LPIN2: variants seen among roughly 807,000 people sequenced by gnomAD.
The protein encoded by LPIN2 is lipin 2.
Under a neutral mutation model 111.4 loss-of-function variants are expected in LPIN2, and 55 were observed. The observed-to-expected ratio is 0.49, with a 90% confidence interval of 0.40 to 0.62. The LOEUF (loss-of-function observed/expected upper bound fraction) is 0.62, where lower values mean the gene tolerates loss of function less well. Ranked by LOEUF, LPIN2 falls within the 20% of genes least tolerant of loss-of-function variation. LPIN2 has a pLI of 0.00. For synonymous variants in LPIN2, 425 were observed against 414.0 expected (o/e 1.03, Z -0.32); for missense variants, 992 against 1,112.1 (o/e 0.89, Z 1.54).
intron 12 of LPIN2, 115 bp downstream of exon 12, chr18:2,927,607 A>C: frequency 1.9e-6 from 2 of 1,078,832 alleles, no homozygotes; most frequent in Non-Finnish European, 2.8e-6. Context: ...AAACTGCTAT[A>C]TGGTAAAATA....
intron 1 of LPIN2, among the ~76,000 whole-genome samples, chr18:2,991,835 C>T (rs2078269949): frequency 6.6e-6 from 1 of 151,940 alleles, no homozygotes; most frequent in Non-Finnish European, 1.5e-5. Flanking sequence ...GATGGCGAAA[C>T]CCCATCTCTA....
intron 1 of LPIN2, among the ~76,000 whole-genome samples, chr18:2,961,081 G>C (rs185880535): frequency 1.3e-5 from 2 of 152,124 alleles, no homozygotes; most frequent in East Asian, 3.9e-4. Flanking sequence ...TCCAGCCAGG[G>C]CCTGAGGCAT....
chr18:2,999,393 G>C (rs962942335), intron 1 of LPIN2, among the ~76,000 whole-genome samples: 1 of 151,608 alleles, frequency 6.6e-6, no homozygotes, highest in Admixed American at 6.6e-5. Flanking sequence ...TCAGGAGATC[G>C]AGACCATTCT....
intron 4 of LPIN2, 112 bp from the exon 5 acceptor site, chr18:2,940,824 T>C (rs1437643911): frequency 8.5e-6 from 6 of 708,086 alleles, no homozygotes; most frequent in Non-Finnish European, 1.3e-5. Flanking sequence ...GGGCAAATGA[T>C]TACTAACTCT....
chr18:2,921,276 C>T, intron 18 of LPIN2: 1 of 583,332 alleles, frequency 1.7e-6, no homozygotes, highest in South Asian at 2.0e-5. Flanking sequence ...GCCGGAGCTG[C>T]CTGAGGAAAT....
chr18:2,999,879 G>A lies in LPIN2; in HGVS notation c.-10+13208C>T, dbSNP rs573867057. Among the ~76,000 whole-genome samples the A allele has an allele frequency of 2.0e-5, 3 of 152,170 alleles. No homozygotes were observed. In the East Asian group the frequency reaches 5.8e-4, roughly 29 times the overall value. ...AATACCAGCCTGGGAAACACAGCAA[G>A]ACCCTGTCTCTACAAAAATTAAAAA... is the stretch of plus-strand genomic sequence containing the variant. On this transcript the variant is annotated intron_variant, in intron 1 of 19. Transcript: ENST00000677752.
At chr18:3,010,962 T>C (rs1185485704) in intron 1 of LPIN2, among the ~76,000 whole-genome samples, 1 of 152,170 alleles carries the variant, frequency 6.6e-6, no homozygotes, top group African/African-American at 2.4e-5. Flanking sequence ...ACTCAGGAAG[T>C]GCCACCGTCT....
intron 16 of LPIN2, among the ~76,000 whole-genome samples, chr18:2,923,547 G>A (rs538839213): frequency 4.0e-5 from 6 of 151,710 alleles, no homozygotes; most frequent in Non-Finnish European, 7.4e-5. Context: ...GATGTAGGTA[G>A]TGCCTGAAAC....
At chr18:2,978,853 G>A (rs1374519733) in intron 1 of LPIN2, among the ~76,000 whole-genome samples, 1 of 152,180 alleles carries the variant, frequency 6.6e-6, no homozygotes, top group African/African-American at 2.4e-5. Context: ...TCACTGAGGT[G>A]CTTGGGGAAT....
At chr18:3,011,079 A>C (rs1445542546) in intron 1 of LPIN2, among the ~76,000 whole-genome samples, 1 of 152,098 alleles carries the variant, frequency 6.6e-6, no homozygotes, top group African/African-American at 2.4e-5. Flanking sequence ...CTTACTGAGC[A>C]GCTATGGAGT....
Position 2,918,892 on chromosome 18 carries a change from C to G in LPIN2, c.*1401G>C, listed in dbSNP as rs993804159. 6.6e-6 allele frequency: 1 copy of G among 152,194 alleles called. No homozygotes were observed. The highest frequency in any genetic ancestry group is 1.5e-5 in the Non-Finnish European group (1 of 68,028). 9.4% of individuals were successfully genotyped at this position (152,194 alleles called of 1,614,324 possible). Reference sequence around the variant, plus strand: ...GTTGGCCACGAGACCACCCCGAGCGCCAAGCCTGTATCTGCAGATCCCTCT... The same window carrying G: ...GTTGGCCACGAGACCACCCCGAGCGGCAAGCCTGTATCTGCAGATCCCTCT... On this transcript the variant is annotated 3_prime_UTR_variant, in exon 20 of 20. Transcript: ENST00000677752.
At chr18:2,943,467 A>G (rs1192890733) in intron 4 of LPIN2, among the ~76,000 whole-genome samples, 5 of 147,610 alleles carry the variant, frequency 3.4e-5, no homozygotes, top group Admixed American at 2.0e-4. Flanking sequence ...TGTATAAATC[A>G]ATGTTTTGAT....
intron 1 of LPIN2, among the ~76,000 whole-genome samples, chr18:2,979,609 T>C (rs1400542832): frequency 6.6e-6 from 1 of 152,244 alleles, no homozygotes; most frequent in African/African-American, 2.4e-5. Context: ...TCTGTGTGCA[T>C]GTATGTTTTA....
At chr18:2,992,974 C>CAAA (rs59159362) in intron 1 of LPIN2, among the ~76,000 whole-genome samples, 31 of 97,316 alleles carry the variant, frequency 3.2e-4, no homozygotes, top group African/African-American at 1.3e-3. Context: ...AGACCCGTCT[C>CAAA]AAAAAAAAAA....
intron 1 of LPIN2, among the ~76,000 whole-genome samples, chr18:2,996,868 CA>C (rs1304777699): frequency 1.3e-5 from 2 of 152,222 alleles, no homozygotes; most frequent in East Asian, 3.8e-4. Flanking sequence ...TTTGGTTCTA[CA>C]AAGGCCTTGC....
intron 1 of LPIN2, among the ~76,000 whole-genome samples, chr18:2,982,482 G>A (rs1360468135): frequency 1.3e-5 from 2 of 152,132 alleles, no homozygotes; most frequent in Non-Finnish European, 2.9e-5. Context: ...ATGCAGGAGG[G>A]CAGGTAGCCA....
chr18:2,921,545 T>C lies in LPIN2; in HGVS notation c.2430A>G (p.Gly810=). Residue 810 remains glycine (G), a synonymous_variant, in exon 18 of 20, where the codon GGA becomes GGG. Coordinates refer to ENST00000677752, the MANE Select transcript of LPIN2 (RefSeq NM_001375808.2). Reference sequence around the variant, plus strand: ...AGGAGATACTCACATTTGGACGGTTTCCAAAGGCAGCATAGAAGGGCTGCT... The same window carrying C: ...AGGAGATACTCACATTTGGACGGTTCCCAAAGGCAGCATAGAAGGGCTGCT... ...PSKQPFYAAF[G]NRPNDVYAYT... 1 of 1,613,620 alleles carries C rather than the reference T, an allele frequency of 6.2e-7. No individual in the cohort carries two copies. Among genetic ancestry groups the C allele is most frequent in the Admixed American group, 1.7e-5 (1 of 60,030 alleles).
intron 4 of LPIN2, among the ~76,000 whole-genome samples, chr18:2,949,665 T>A (rs1388315124): frequency 1.3e-5 from 2 of 152,144 alleles, no homozygotes; most frequent in Non-Finnish European, 2.9e-5. Flanking sequence ...TTGTAAAAAA[T>A]TACTATCAAA....
At chr18:2,927,905 A>G in intron 11 of LPIN2, 94 bp from the exon 12 acceptor site, 1 of 1,028,938 alleles carries the variant, frequency 9.7e-7, no homozygotes, top group Admixed American at 1.7e-5. Flanking sequence ...CTTACTATGG[A>G]ATGTGAGAAC....
Sources: gnomAD v4.1 joint callset for allele counts (sites outside exome capture counted in the v4.1 genomes callset) on GRCh38, gnomAD v4.1.1 for gene constraint, MANE v1.5 for transcripts, NCBI Gene and HGNC (gene_info 2026-07-23, HGNC 2026-07-21) for gene names.